The following PTPRO variants were observed in gnomAD, a reference collection of about 807,000 sequenced individuals.
PTPRO encodes the protein receptor-type tyrosine-protein phosphatase O.
A neutral mutation model predicts 145.2 loss-of-function variants in PTPRO; 62 were observed. The observed-to-expected ratio is 0.43, with a 90% CI of 0.35 to 0.53. The LOEUF is 0.53. Ranked by LOEUF, PTPRO falls within the 20% of genes least tolerant of loss-of-function variation. The pLI is 0.01. For missense variants in PTPRO, 1,345 were observed against 1,482.7 expected, an observed-to-expected ratio of 0.91 and a Z score of 1.53; for synonymous variants, 565 against 514.7, an observed-to-expected ratio of 1.10 and a Z score of -1.32.
At chr12:15,421,502 T>A (rs531518724) in intron 1 of PTPRO, among the ~76,000 whole-genome samples, 1 of 152,342 alleles carries the variant, frequency 6.6e-6, no homozygotes, top group African/African-American at 2.4e-5. Context: ...AGTGCCTGAA[T>A]AAGCAGTAAG....
rs1200783601 is a variant in PTPRO at position 15,501,953 on chromosome 12, A to T, written c.995A>T (p.Lys332Met). The T allele has an allele frequency of 6.2e-7, 1 of 1,613,860 alleles. No individual in the cohort carries two copies. The highest frequency in any genetic ancestry group is 8.5e-7 in the Non-Finnish European group (1 of 1,179,860). The change falls in exon 5 of 27, where the codon AAG becomes ATG. Residue 332 changes from lysine (K) to methionine (M), a missense_variant. By Grantham distance (95) the Lys-to-Met change is moderately conservative. Transcript: ENST00000281171. The stretch of plus-strand genomic sequence containing the variant: ...AACAGTACACTCAGTGAGACAGAGA[A>T]GTCAACATCAGGCTCTTTCTCCTTT... ...ENNSTLSETE[K>M]STSGSFSFFP... is the part of the protein sequence containing the mutation.
intron 1 of PTPRO, chr12:15,439,858 G>A: frequency 3.2e-6 from 2 of 632,292 alleles, no homozygotes; most frequent in Non-Finnish European, 5.8e-6. Flanking sequence ...TTATGATGGT[G>A]CAGAAGCAGA....
At chr12:15,497,472 T>C in intron 3 of PTPRO, 69 bp downstream of exon 3, 1 of 1,497,958 alleles carries the variant, frequency 6.7e-7, no homozygotes, top group Non-Finnish European at 9.3e-7. Context: ...CCAAATGATG[T>C]TCTCTCTTAC....
At chr12:15,456,698 T>C (rs1941186061) in intron 1 of PTPRO, among the ~76,000 whole-genome samples, 2 of 152,166 alleles carry the variant, frequency 1.3e-5, no homozygotes, top group African/African-American at 4.8e-5. Flanking sequence ...TGGTAGGTTG[T>C]ATGTTCCTAA....
rs577922138 is a variant in PTPRO at position 15,470,877 on chromosome 12, T to G, written c.76-13097T>G. On this transcript the variant is annotated intron_variant, in intron 1 of 26. Transcript: ENST00000281171. ...GGCTATAACCTGGCAGCCTACAGGCTGGGGCAGACCTGCCAATGTATTTTC... is the reference window on the plus strand; with the variant it reads ...GGCTATAACCTGGCAGCCTACAGGCGGGGGCAGACCTGCCAATGTATTTTC... Among the ~76,000 whole-genome samples the G allele has an allele frequency of 1.4e-4, 22 of 152,326 alleles. No individual in the cohort carries two copies. In the East Asian group the frequency reaches 4.2e-3, roughly 29 times the overall value.
intron 24 of PTPRO, among the ~76,000 whole-genome samples, chr12:15,587,474 C>T (rs1944453846): frequency 6.6e-6 from 1 of 152,032 alleles, no homozygotes; most frequent in African/African-American, 2.4e-5. Context: ...AAGCTGATCA[C>T]AGCTTGACAT....
chr12:15,459,139 C>T (rs908642140), intron 1 of PTPRO, among the ~76,000 whole-genome samples: 1 of 152,178 alleles, frequency 6.6e-6, no homozygotes, highest in South Asian at 2.1e-4. Context: ...GTTCCTCAGG[C>T]AATCCCTGGA....
chr12:15,369,798 T>C (rs942729476), intron 1 of PTPRO, among the ~76,000 whole-genome samples: 2 of 152,172 alleles, frequency 1.3e-5, no homozygotes, highest in East Asian at 3.9e-4. Flanking sequence ...ATGCCTGTAA[T>C]TCCAACACTT....
intron 12 of PTPRO, among the ~76,000 whole-genome samples, chr12:15,536,858 A>G (rs781576482): frequency 2.6e-5 from 4 of 152,332 alleles, no homozygotes; most frequent in Non-Finnish European, 4.4e-5. Context: ...TGGTCACCTT[A>G]AAGTTTAGAG....
chr12:15,555,521 C>A (rs1020008207), intron 15 of PTPRO, among the ~76,000 whole-genome samples: 1 of 152,094 alleles, frequency 6.6e-6, no homozygotes, highest in African/African-American at 2.4e-5. Context: ...TACTTAGGAG[C>A]ATTAACGCAG....
intron 1 of PTPRO, among the ~76,000 whole-genome samples, chr12:15,461,193 C>T (rs1941292491): frequency 6.6e-6 from 1 of 152,190 alleles, no homozygotes; most frequent in Non-Finnish European, 1.5e-5. Context: ...TTAACCCAGA[C>T]ATTTCTTTCT....
At chr12:15,537,601 C>T (rs893369890) in intron 12 of PTPRO, among the ~76,000 whole-genome samples, 26 of 151,118 alleles carry the variant, frequency 1.7e-4, no homozygotes, top group African/African-American at 4.9e-4. Flanking sequence ...GCCATGGTGA[C>T]GGGAAAAAAA....
At chr12:15,515,044 C>T (rs1488927393) in intron 7 of PTPRO, among the ~76,000 whole-genome samples, 11 of 151,932 alleles carry the variant, frequency 7.2e-5, no homozygotes, top group Admixed American at 3.3e-4. Flanking sequence ...GGATTACACG[C>T]GTGAGCCACT....
chr12:15,497,919 A>G (rs911781235), intron 3 of PTPRO, among the ~76,000 whole-genome samples: 3 of 152,296 alleles, frequency 2.0e-5, no homozygotes, highest in African/African-American at 7.2e-5. Context: ...GGGAAGGGAG[A>G]GAAAAGAGCC....
intron 3 of PTPRO, 23 bp from the exon 4 acceptor site, chr12:15,499,419 T>C (rs773087780): frequency 2.5e-6 from 4 of 1,606,564 alleles, no homozygotes; most frequent in South Asian, 1.1e-5. Context: ...ATATTTTTCA[T>C]GTAATTGATT....
At chr12:15,573,287 C>T (rs1214857973) in intron 19 of PTPRO, among the ~76,000 whole-genome samples, 2 of 152,100 alleles carry the variant, frequency 1.3e-5, no homozygotes, top group East Asian at 1.9e-4. Flanking sequence ...CTCATCAGGC[C>T]TTCAAACTGA....
chr12:15,442,860 A>G (rs1469659295), intron 1 of PTPRO, among the ~76,000 whole-genome samples: 1 of 152,160 alleles, frequency 6.6e-6, no homozygotes, highest in Middle Eastern at 3.2e-3. Context: ...ATGCTCATAG[A>G]TTAGAAGAAT....
chr12:15,439,838 G>A (rs532400741), intron 1 of PTPRO: 3 of 619,248 alleles, frequency 4.8e-6, no homozygotes, highest in East Asian at 3.1e-5. Context: ...CAAGAACAAG[G>A]ATTTGAAGAT....
intron 1 of PTPRO, among the ~76,000 whole-genome samples, chr12:15,353,317 T>C (rs899782363): frequency 7.9e-5 from 12 of 152,068 alleles, no homozygotes; most frequent in Middle Eastern, 6.8e-3. Flanking sequence ...TTTCAACATA[T>C]CATCAAGTTC....
Sources: allele counts gnomAD v4.1 joint callset (sites outside exome capture counted in the v4.1 genomes callset), GRCh38; gene constraint gnomAD v4.1.1; transcripts MANE v1.5; gene names NCBI Gene and HGNC (gene_info 2026-07-23, HGNC 2026-07-21).